ESRRB: variants seen among roughly 807,000 people sequenced by gnomAD.
ESRRB encodes estrogen related receptor beta, also known as steroid hormone receptor ERR2.
In ESRRB, 16 loss-of-function variants were observed where a neutral mutation model predicts 46.0. That is an observed-to-expected ratio of 0.35 (90% CI 0.24 to 0.53). The LOEUF is 0.53. Among genes scored for constraint, ESRRB ranks in the 20% least tolerant of loss-of-function variants. The pLI is 0.93. For synonymous variants in ESRRB, 246 were observed against 259.6 expected, an observed-to-expected ratio of 0.95 and a Z score of 0.50; for missense variants, 488 against 607.4, an observed-to-expected ratio of 0.80 and a Z score of 2.07.
chr14:76,448,475 C>T (rs961273171), intron 2 of ESRRB, among the ~76,000 whole-genome samples: 5 of 149,824 alleles, frequency 3.3e-5, no homozygotes, highest in South Asian at 2.2e-4. Context: ...ATTACAGGCA[C>T]GCACCACCAT....
At chr14:76,497,340 A>C (rs1429919815) in intron 6 of ESRRB, among the ~76,000 whole-genome samples, 2 of 152,144 alleles carry the variant, frequency 1.3e-5, no homozygotes, top group African/African-American at 2.4e-5. Context: ...GACATTGACC[A>C]GGTGCTGATC....
chr14:76,458,755 G>A (rs772051990), intron 2 of ESRRB, among the ~76,000 whole-genome samples: 4 of 151,908 alleles, frequency 2.6e-5, no homozygotes, highest in Non-Finnish European at 5.9e-5. Context: ...GTGAGCTCCT[G>A]GCACAGTGGC....
intron 1 of ESRRB, among the ~76,000 whole-genome samples, chr14:76,317,728 C>T (rs1278898284): frequency 2.6e-5 from 4 of 152,196 alleles, no homozygotes; most frequent in African/African-American, 9.7e-5. Flanking sequence ...CCAGTTCCAA[C>T]CTCAGGATTG....
intron 2 of ESRRB, among the ~76,000 whole-genome samples, chr14:76,447,109 C>T (rs1888179125): frequency 6.6e-6 from 1 of 152,158 alleles, no homozygotes; most frequent in Admixed American, 6.5e-5. Context: ...GCAACTCACT[C>T]ACTGCTGGAA....
rs115939885 is a variant in ESRRB at position 76,499,401 on chromosome 14, G to A, written c.*943G>A. ...GCTCCATCCAAGAGCACCCCGGGGG[G>A]AGGATCAGGACAGGATGGACAGAGG... is the stretch of plus-strand genomic sequence containing the variant. On this transcript the variant is annotated 3_prime_UTR_variant, in exon 7 of 7. Coordinates refer to ENST00000644823, the MANE Select transcript of ESRRB (RefSeq NM_001379180.1). The A allele has an allele frequency of 4.2e-3, 1,100 of 264,178 alleles. 10 individuals are homozygous for A. The highest frequency in any genetic ancestry group is 0.022 in the African/African-American group (1,024 of 45,600). The allele number at this position is 264,178 out of a possible 1,614,324, so 16.4% of individuals were successfully genotyped here.
At chr14:76,403,221 A>G (rs1886017548) in intron 1 of ESRRB, among the ~76,000 whole-genome samples, 1 of 152,198 alleles carries the variant, frequency 6.6e-6, no homozygotes, top group South Asian at 2.1e-4. Flanking sequence ...CTCATTTTAC[A>G]GATAAAGAAA....
chr14:76,480,120 A>G (rs1020959462), intron 3 of ESRRB, among the ~76,000 whole-genome samples: 1 of 152,110 alleles, frequency 6.6e-6, no homozygotes, highest in South Asian at 2.1e-4. Context: ...CGGCCTCCCA[A>G]AGTGCTGGGA....
chr14:76,405,566 G>C (rs1347932691), intron 1 of ESRRB, among the ~76,000 whole-genome samples: 1 of 152,118 alleles, frequency 6.6e-6, no homozygotes, highest in Non-Finnish European at 1.5e-5. Flanking sequence ...TGCTTCCAGG[G>C]GGCTTGTTGG....
At chr14:76,408,591 C>CA (rs35955826) in intron 1 of ESRRB, among the ~76,000 whole-genome samples, 954 of 42,090 alleles carry the variant, frequency 0.023, 83 homozygotes, top group African/African-American at 0.039. Context: ...GACCCTGTCT[C>CA]AAAAAAAAAA....
chr14:76,500,102 C>A lies in ESRRB; in HGVS notation c.*1644C>A. 6.6e-7 allele frequency: 1 copy of A among 1,520,974 alleles called. No homozygotes were observed. Among genetic ancestry groups the A allele is most frequent in the South Asian group, 1.2e-5 (1 of 82,214 alleles). The allele number at this position is 1,520,974 out of a possible 1,614,324, so 94.2% of individuals were successfully genotyped here. A position where few individuals can be genotyped will look rare whatever the true frequency, so the allele number is the denominator to read the frequency against. ...GCAGCTTTTCCATAGAAGCCCTGGT[C>A]CCACCTCCTTGGCTCTACCCCAGGA... is the stretch of plus-strand genomic sequence containing the variant. On this transcript the variant is annotated 3_prime_UTR_variant, in exon 7 of 7. Transcript: ENST00000644823.
intron 1 of ESRRB, among the ~76,000 whole-genome samples, chr14:76,410,095 A>C (rs1482055264): frequency 3.9e-5 from 6 of 152,044 alleles, no homozygotes; most frequent in Non-Finnish European, 1.5e-5. Context: ...ATGGTGGCAC[A>C]CGCCTGTATT....
intron 1 of ESRRB, among the ~76,000 whole-genome samples, chr14:76,396,807 C>T (rs542033257): frequency 1.4e-4 from 21 of 152,328 alleles, no homozygotes; most frequent in East Asian, 1.2e-3. Flanking sequence ...CCAGCGCTGG[C>T]GGTAGATGCA....
chr14:76,422,809 A>C (rs144223374), intron 1 of ESRRB, among the ~76,000 whole-genome samples: 1,575 of 152,328 alleles, frequency 0.01, 16 homozygotes, highest in Non-Finnish European at 0.015. Flanking sequence ...GGATTCCGAC[A>C]CAGGCGAGCT....
chr14:76,361,341 C>G (rs1304109941), intron 1 of ESRRB, among the ~76,000 whole-genome samples: 1 of 152,142 alleles, frequency 6.6e-6, no homozygotes, highest in Non-Finnish European at 1.5e-5. Flanking sequence ...GTAGTCAGCT[C>G]CCCTCTGCCA....
chr14:76,369,397 C>G (rs544988929), upstream of ESRRB, among the ~76,000 whole-genome samples: 1 of 151,304 alleles, frequency 6.6e-6, no homozygotes, highest in Non-Finnish European at 1.5e-5. Flanking sequence ...GCTAAGCCTC[C>G]CGAGTAGCTG....
chr14:76,400,021 C>A (rs1350435531), intron 1 of ESRRB, among the ~76,000 whole-genome samples: 1 of 152,202 alleles, frequency 6.6e-6, no homozygotes, highest in African/African-American at 2.4e-5. Context: ...CTCATCTTAC[C>A]AGCCAAACCT....
At chr14:76,351,047 G>T (rs777358471) in intron 1 of ESRRB, among the ~76,000 whole-genome samples, 18 of 152,274 alleles carry the variant, frequency 1.2e-4, no homozygotes, top group African/African-American at 3.9e-4. Flanking sequence ...ACCACAGGTT[G>T]GGGGTAGATG....
chr14:76,396,457 C>T (rs1885686241), intron 1 of ESRRB, among the ~76,000 whole-genome samples: 1 of 152,116 alleles, frequency 6.6e-6, no homozygotes, highest in African/African-American at 2.4e-5. Context: ...TTACCTTTAA[C>T]TTTGACTCTT....
chr14:76,382,662 G>T (rs1426826666), intron 1 of ESRRB, among the ~76,000 whole-genome samples: 1 of 152,194 alleles, frequency 6.6e-6, no homozygotes, highest in Non-Finnish European at 1.5e-5. Context: ...TCACTATGGA[G>T]TTGGACTAGG....
Sources: gnomAD v4.1 joint callset for allele counts (sites outside exome capture counted in the v4.1 genomes callset) on GRCh38, gnomAD v4.1.1 for gene constraint, MANE v1.5 for transcripts, NCBI Gene and HGNC (gene_info 2026-07-23, HGNC 2026-07-21) for gene names.